FYCO1: variants seen among roughly 807,000 people sequenced by gnomAD.
The protein encoded by FYCO1 is FYVE and coiled-coil domain-containing protein 1.
FYCO1 carries 122 observed loss-of-function variants against 165.1 expected under a neutral mutation model. That is an observed-to-expected ratio of 0.74 (90% CI 0.64 to 0.86). The LOEUF (loss-of-function observed/expected upper bound fraction) is 0.86. Among genes scored for constraint, FYCO1 ranks in the 40% least tolerant of loss-of-function variants. The probability of loss-of-function intolerance (pLI) is 0.00; values close to 1 mark genes in which losing one functional copy is unlikely to be tolerated. For missense variants in FYCO1, 1,702 were observed against 1,810.3 expected (o/e 0.94, Z 1.09); for synonymous variants, 648 against 742.5 (o/e 0.87, Z 2.07).
At position 45,967,870 on chromosome 3, in the gene FYCO1, T is replaced by C. The variant is rs886058569; in HGVS notation, c.1464A>G (p.Ala488=). The C allele has an allele frequency of 3.1e-6, 5 of 1,614,024 alleles. No homozygotes were observed. The highest frequency in any genetic ancestry group is 4.2e-6 in the Non-Finnish European group (5 of 1,180,032). The change falls in exon 8 of 18, where the codon GCA becomes GCG. Residue 488 remains alanine, a synonymous_variant. Coordinates refer to ENST00000296137, the MANE Select transcript of FYCO1 (RefSeq NM_024513.4). ...GCTGTTTTTTCTCCCGCCTCAACTC[T>C]GCTAGCTCCTCCTCCCAGGAGCTCG... ...AHTSSWEEEL[A]ELRREKKQQQ...
Position 45,993,931 on chromosome 3 carries a change from G to A in FYCO1, c.-113+1791C>T, listed in dbSNP as rs533652942. 6.6e-6 allele frequency among the ~76,000 whole-genome samples: 1 copy of A among 152,250 alleles called. No individual in the cohort carries two copies. The highest frequency in any genetic ancestry group is 1.5e-5 in the Non-Finnish European group (1 of 68,018). The stretch of plus-strand genomic sequence containing the variant: ...GGAAGCAGGGTGGGTGGGGGTGAGG[G>A]GGCTGCCATTTCTTGCGTACCTACT... On this transcript the variant is annotated intron_variant, in intron 1 of 17. Coordinates refer to ENST00000296137, the MANE Select transcript of FYCO1 (RefSeq NM_024513.4). The surrounding 1 kb of genome is among the most constrained non-coding windows in gnomAD (Gnocchi z 4.4).
At chr3:45,992,309 G>A (rs891924643) in intron 1 of FYCO1, among the ~76,000 whole-genome samples, 7 of 152,182 alleles carry the variant, frequency 4.6e-5, no homozygotes, top group Non-Finnish European at 8.8e-5. Flanking sequence ...CAGTGCCAGC[G>A]TAGGTGCAGA....
intron 12 of FYCO1, 31 bp downstream of exon 12, chr3:45,959,362 G>A (rs766455246): frequency 1.9e-6 from 3 of 1,613,164 alleles, no homozygotes; most frequent in Non-Finnish European, 2.5e-6. Context: ...CCACCAGGGT[G>A]TTGGTGCCAA....
At chr3:45,938,895 C>CA (rs1307306863) in intron 14 of FYCO1, among the ~76,000 whole-genome samples, 7 of 152,214 alleles carry the variant, frequency 4.6e-5, no homozygotes, top group African/African-American at 1.7e-4. Context: ...TCAAGCAACT[C>CA]AGAGGATGTC....
At chr3:45,952,782 C>T (rs555588295) in intron 14 of FYCO1, among the ~76,000 whole-genome samples, 7 of 152,256 alleles carry the variant, frequency 4.6e-5, no homozygotes, top group South Asian at 2.1e-4. Flanking sequence ...AATTTCAAGC[C>T]GGAATGTCCT....
chr3:45,994,280 A>C (rs371909252), intron 1 of FYCO1, among the ~76,000 whole-genome samples: 3 of 152,334 alleles, frequency 2.0e-5, no homozygotes, highest in African/African-American at 7.2e-5. Context: ...TCACCATACA[A>C]TCCTTTCAGT....
At chr3:45,926,502 T>C (rs1575325162) in intron 16 of FYCO1, among the ~76,000 whole-genome samples, 1 of 152,308 alleles carries the variant, frequency 6.6e-6, no homozygotes, top group East Asian at 1.9e-4. Flanking sequence ...TCAAAATACA[T>C]GATACAAAAA....
chr3:45,933,072 T>G (rs1299250149), intron 15 of FYCO1, among the ~76,000 whole-genome samples: 1 of 152,200 alleles, frequency 6.6e-6, no homozygotes, highest in Non-Finnish European at 1.5e-5. Context: ...CTAGACATCA[T>G]CTATTCAGTG....
intron 1 of FYCO1, among the ~76,000 whole-genome samples, chr3:45,986,367 T>TTG (rs1343517927): frequency 2.0e-5 from 3 of 152,158 alleles, no homozygotes; most frequent in African/African-American, 7.2e-5. Context: ...CACTGCCACC[T>TTG]TGCCCTCGTG....
chr3:45,994,650 C>A (rs1303491351), intron 1 of FYCO1, among the ~76,000 whole-genome samples: 1 of 152,118 alleles, frequency 6.6e-6, no homozygotes, highest in African/African-American at 2.4e-5. Flanking sequence ...GCTCCCCACC[C>A]CTCCCCCACA....
In FYCO1 at chr3:45,966,328, GGT is replaced by G; in HGVS notation, c.3004_3005del (p.Thr1002ProfsTer8). 1 of 1,614,220 alleles carries G rather than the reference GGT, an allele frequency of 6.2e-7. No homozygotes were observed. ...LQEAAHQELN[T>X]LKFQLSAEIM... ...TTTCAGCACTCAGCTGGAACTTGAG[GGT>G]GTTGAGCTCCTGGTGTGCAGCCTCT... On this transcript the variant is annotated frameshift_variant, in exon 8 of 18. Coordinates refer to ENST00000296137, the MANE Select transcript of FYCO1 (RefSeq NM_024513.4). LOFTEE classifies it high-confidence loss of function.
rs1409919052 is a variant in FYCO1, at chr3:45,968,121, C to G, written c.1213G>C (p.Glu405Gln). 1.9e-6 allele frequency: 3 copies of G among 1,614,100 alleles called. No homozygotes were observed. The Admixed American group carries it at 5.0e-5, about 27-fold the overall frequency. ...DAAQEMQELG[E>Q]KLQALERERT... ...TCCCTTTCTAGGGCTTGAAGCTTCT[C>G]CCCTAGCTCCTGCATCTCCTGGGCC... The change falls in exon 8 of 18, where the codon GAG (glutamate) becomes CAG (glutamine). Residue 405 changes from glutamate (E) to glutamine (Q), a missense_variant. Coordinates refer to ENST00000296137, the MANE Select transcript of FYCO1 (RefSeq NM_024513.4).
At chr3:45,976,247 TG>T (rs111968357) in intron 4 of FYCO1, among the ~76,000 whole-genome samples, 2,971 of 152,318 alleles carry the variant, frequency 0.02, 100 homozygotes, top group African/African-American at 0.065. Flanking sequence ...TGACCGTAAC[TG>T]TTTGAGGCTT....
intron 14 of FYCO1, among the ~76,000 whole-genome samples, chr3:45,937,081 G>A (rs1432511081): frequency 1.3e-5 from 2 of 152,186 alleles, no homozygotes; most frequent in African/African-American, 4.8e-5. Context: ...CAGTTCCTCA[G>A]AGGCAGAACT....
intron 14 of FYCO1, among the ~76,000 whole-genome samples, chr3:45,943,304 G>A (rs2125816593): frequency 6.6e-6 from 1 of 152,286 alleles, no homozygotes; most frequent in Middle Eastern, 3.4e-3. Context: ...GCAGAATGAA[G>A]GGAGTGTGGG....
intron 7 of FYCO1, 138 bp downstream of exon 7, chr3:45,969,537 C>A: frequency 5.9e-6 from 4 of 680,902 alleles, no homozygotes; most frequent in East Asian, 5.5e-5. Flanking sequence ...CTCCCGGGAA[C>A]AGCAGCCATA....
At chr3:45,952,297 T>G (rs1228767247) in intron 14 of FYCO1, among the ~76,000 whole-genome samples, 1 of 152,182 alleles carries the variant, frequency 6.6e-6, no homozygotes, top group Non-Finnish European at 1.5e-5. Flanking sequence ...TTGCTTATTT[T>G]TTCCCGAAGT....
At chr3:45,977,108 C>T (rs1201263734) in intron 4 of FYCO1, among the ~76,000 whole-genome samples, 1 of 152,014 alleles carries the variant, frequency 6.6e-6, no homozygotes, top group African/African-American at 2.4e-5. Context: ...CCAGGAAATT[C>T]AGGCCGTTGG....
intron 14 of FYCO1, among the ~76,000 whole-genome samples, chr3:45,948,814 T>A (rs1205510412): frequency 6.6e-6 from 1 of 152,170 alleles, no homozygotes; most frequent in Non-Finnish European, 1.5e-5. Flanking sequence ...ACTCACCAGT[T>A]TGTAAGACCT....
Sources: allele counts gnomAD v4.1 joint callset (sites outside exome capture counted in the v4.1 genomes callset), GRCh38; gene constraint gnomAD v4.1.1; non-coding constraint Gnocchi (gnomAD v3.1); transcripts MANE v1.5; gene names NCBI Gene and HGNC (gene_info 2026-07-23, HGNC 2026-07-21).